CCSER1: variants seen among roughly 807,000 people sequenced by gnomAD.
CCSER1 encodes serine-rich coiled-coil domain-containing protein 1.
A neutral mutation model predicts 82.0 loss-of-function variants in CCSER1; 41 were observed. That is an observed-to-expected ratio of 0.50 (90% CI 0.39 to 0.65). CCSER1 has a LOEUF of 0.65. Among genes scored for constraint, CCSER1 ranks in the 30% least tolerant of loss-of-function variants. CCSER1 has a pLI of 0.00. For synonymous variants in CCSER1, 414 were observed against 383.9 expected (o/e 1.08, Z -0.92); for missense variants, 1,119 against 1,064.2 (o/e 1.05, Z -0.72).
chr4:90,609,360 CAT>C (rs1785153527), intron 5 of CCSER1, among the ~76,000 whole-genome samples: 1 of 152,034 alleles, frequency 6.6e-6, no homozygotes, highest in South Asian at 2.1e-4. Context: ...TAAAAGGAAT[CAT>C]ATGTCAGTTG....
At chr4:90,746,740 A>G (rs1027784625) in intron 7 of CCSER1, among the ~76,000 whole-genome samples, 1 of 152,210 alleles carries the variant, frequency 6.6e-6, no homozygotes, top group Admixed American at 6.5e-5. Flanking sequence ...AAGATCTTCC[A>G]TAACCAAGCA....
At chr4:91,126,787 C>A (rs1004889065) in intron 10 of CCSER1, among the ~76,000 whole-genome samples, 1 of 151,912 alleles carries the variant, frequency 6.6e-6, no homozygotes, top group African/African-American at 2.4e-5. Flanking sequence ...AGATATGCTA[C>A]ATTTGTTGTT....
chr4:91,309,521 G>A (rs2149250957), intron 10 of CCSER1, among the ~76,000 whole-genome samples: 1 of 152,078 alleles, frequency 6.6e-6, no homozygotes, highest in East Asian at 1.9e-4. Flanking sequence ...GACCCTAAAG[G>A]TGGTTATCGA....
At chr4:90,153,461 A>G (rs1265255099) in intron 1 of CCSER1, among the ~76,000 whole-genome samples, 2 of 152,116 alleles carry the variant, frequency 1.3e-5, no homozygotes, top group East Asian at 1.9e-4. Flanking sequence ...GAATCGCCAC[A>G]CTGACTTCCA....
chr4:90,284,482 T>C (rs568554012), intron 1 of CCSER1, among the ~76,000 whole-genome samples: 1 of 145,386 alleles, frequency 6.9e-6, no homozygotes, highest in South Asian at 2.2e-4. Flanking sequence ...GTCTTCAGTC[T>C]ACTTTGAATT....
chr4:90,218,750 G>A (rs915122612), intron 1 of CCSER1, among the ~76,000 whole-genome samples: 4 of 152,164 alleles, frequency 2.6e-5, no homozygotes, highest in African/African-American at 9.7e-5. Context: ...GCCAGGTGTG[G>A]TGACTCATGC....
At chr4:91,071,484 G>A (rs1006448019) in intron 9 of CCSER1, among the ~76,000 whole-genome samples, 3 of 152,116 alleles carry the variant, frequency 2.0e-5, no homozygotes, top group African/African-American at 7.2e-5. Flanking sequence ...AAAGGCCTAT[G>A]GTGGAAGAAT....
intron 9 of CCSER1, among the ~76,000 whole-genome samples, chr4:91,084,491 C>G (rs1222467228): frequency 6.6e-6 from 1 of 151,648 alleles, no homozygotes; most frequent in Non-Finnish European, 1.5e-5. Flanking sequence ...AAGAAAGTGA[C>G]AAACCAGAGA....
chr4:91,475,231 A>G (rs568502497), intron 10 of CCSER1, among the ~76,000 whole-genome samples: 2 of 151,822 alleles, frequency 1.3e-5, no homozygotes, highest in South Asian at 4.1e-4. Flanking sequence ...ATATTCCTGC[A>G]TATGGCTAGG....
rs548585508 is a variant in CCSER1 at position 90,464,656 on chromosome 4, G to A, written c.1604-3578G>A. On this transcript the variant is annotated intron_variant, in intron 4 of 10. Transcript: ENST00000509176. ...GCAAATTTAGCATATAGGTTTTTAT[G>A]TTGTTGCCTCAAACTGTTATTTATA... Among the ~76,000 whole-genome samples, 380 of 152,258 alleles carry A rather than the reference G, an allele frequency of 2.5e-3. 1 individual carries two copies. Among genetic ancestry groups the A allele is most frequent in the Non-Finnish European group, 4.0e-3 (274 of 68,012 alleles).
chr4:91,377,955 A>G (rs1009477051), intron 10 of CCSER1, among the ~76,000 whole-genome samples: 14 of 152,156 alleles, frequency 9.2e-5, no homozygotes, highest in South Asian at 6.2e-4. Context: ...TCCAGTTTCA[A>G]CTTTCTACAT....
intron 5 of CCSER1, among the ~76,000 whole-genome samples, chr4:90,509,372 A>G (rs1254996115): frequency 6.6e-6 from 1 of 152,132 alleles, no homozygotes; most frequent in Non-Finnish European, 1.5e-5. Context: ...AAGAATAATA[A>G]GAGTGATGCA....
At chr4:90,992,029 T>G (rs2150449068) in intron 9 of CCSER1, among the ~76,000 whole-genome samples, 1 of 152,186 alleles carries the variant, frequency 6.6e-6, no homozygotes, top group Middle Eastern at 3.4e-3. Flanking sequence ...ATCTTAAAGC[T>G]TTTCTTATTT....
At chr4:90,601,736 CA>C (rs1323748534) in intron 5 of CCSER1, among the ~76,000 whole-genome samples, 2 of 151,662 alleles carry the variant, frequency 1.3e-5, no homozygotes, top group Non-Finnish European at 2.9e-5. Flanking sequence ...CAGCATCCAA[CA>C]AATTGTATAT....
intron 3 of CCSER1, among the ~76,000 whole-genome samples, chr4:90,382,352 A>C (rs1749332702): frequency 6.6e-6 from 1 of 152,000 alleles, no homozygotes; most frequent in South Asian, 2.1e-4. Context: ...AGTATATGTC[A>C]ATATTGTGTG....
At chr4:90,923,032 A>G (rs1465111663) in intron 8 of CCSER1, among the ~76,000 whole-genome samples, 1 of 152,188 alleles carries the variant, frequency 6.6e-6, no homozygotes, top group East Asian at 1.9e-4. Flanking sequence ...AAACTGGATC[A>G]GCAAAATAAT....
intron 10 of CCSER1, among the ~76,000 whole-genome samples, chr4:91,323,346 T>C (rs1199148423): frequency 6.6e-6 from 1 of 152,156 alleles, no homozygotes; most frequent in East Asian, 1.9e-4. Context: ...TCCTTAGAGG[T>C]TCTAATTCCT....
chr4:91,186,428 G>A (rs1734540191), intron 10 of CCSER1, among the ~76,000 whole-genome samples: 1 of 152,064 alleles, frequency 6.6e-6, no homozygotes, highest in East Asian at 1.9e-4. Context: ...AAGAGTACTT[G>A]GGTGTCCTCC....
chr4:90,387,464 T>A (rs929108726), intron 3 of CCSER1, among the ~76,000 whole-genome samples: 2 of 152,202 alleles, frequency 1.3e-5, no homozygotes, highest in Non-Finnish European at 2.9e-5. Flanking sequence ...AGGTAATCTG[T>A]GTCATACCTG....
Sources: allele counts gnomAD v4.1 joint callset (sites outside exome capture counted in the v4.1 genomes callset), GRCh38; gene constraint gnomAD v4.1.1; transcripts MANE v1.5; gene names NCBI Gene and HGNC (gene_info 2026-07-23, HGNC 2026-07-21).